Variants in FAT3 observed in about 807,000 individuals in gnomAD.
FAT3 encodes FAT atypical cadherin 3, also known as protocadherin Fat 3.
In FAT3, 95 loss-of-function variants were observed where a neutral mutation model predicts 310.2. That is an observed-to-expected ratio of 0.31 (90% confidence interval 0.26 to 0.36). The LOEUF (loss-of-function observed/expected upper bound fraction) is 0.36. Among genes scored for constraint, FAT3 ranks in the 10% least tolerant of loss-of-function variants. The probability of loss-of-function intolerance (pLI) is 1.00; values close to 1 mark genes in which losing one functional copy is unlikely to be tolerated. For synonymous variants in FAT3, 2,314 were observed against 2,192.9 expected (o/e 1.06, Z -1.54); for missense variants, 5,408 against 5,715.6 (o/e 0.95, Z 1.74).
At chr11:92,713,138 G>A (rs555508718) in intron 4 of FAT3, among the ~76,000 whole-genome samples, 6 of 152,296 alleles carry the variant, frequency 3.9e-5, no homozygotes, top group African/African-American at 1.4e-4. Context: ...ACCCAGAGAT[G>A]GACCCAGGGA....
intron 1 of FAT3, among the ~76,000 whole-genome samples, chr11:92,307,478 A>G (rs2134444828): frequency 6.6e-6 from 1 of 152,288 alleles, no homozygotes; most frequent in Admixed American, 6.5e-5. Context: ...CATCCACAAG[A>G]TCACTGTCCA....
intron 3 of FAT3, among the ~76,000 whole-genome samples, chr11:92,559,963 A>G (rs181422079): frequency 7.2e-5 from 11 of 152,348 alleles, no homozygotes; most frequent in African/African-American, 1.2e-4. Context: ...TTTTCTTACA[A>G]ATATATCAAG....
intron 3 of FAT3, among the ~76,000 whole-genome samples, chr11:92,607,403 T>G (rs1940352654): frequency 6.6e-6 from 1 of 152,080 alleles, no homozygotes; most frequent in Non-Finnish European, 1.5e-5. Flanking sequence ...ATGACAACAA[T>G]TACATTGATT....
intron 2 of FAT3, among the ~76,000 whole-genome samples, chr11:92,451,137 C>T (rs539088264): frequency 6.6e-6 from 1 of 152,094 alleles, no homozygotes; most frequent in Non-Finnish European, 1.5e-5. Context: ...TGACTGAAAG[C>T]TGTAGCCTTG....
chr11:92,759,750 G>A (rs967617683), intron 4 of FAT3, among the ~76,000 whole-genome samples: 1 of 152,110 alleles, frequency 6.6e-6, no homozygotes, highest in African/African-American at 2.4e-5. Context: ...ATCCAGGTCC[G>A]TTTCAAAGAA....
At chr11:92,409,180 A>G (rs1281431580) in intron 2 of FAT3, among the ~76,000 whole-genome samples, 3 of 152,154 alleles carry the variant, frequency 2.0e-5, no homozygotes, top group African/African-American at 7.2e-5. Context: ...ATTTTAGCAC[A>G]GATGTTAATA....
rs1237769778 is a variant in FAT3, at chr11:92,323,253, G to GTA, written c.-17-28833_-17-28832dup. Among the ~76,000 whole-genome samples, 78 of 151,694 alleles carry GTA rather than the reference G, an allele frequency of 5.1e-4. 1 individual carries two copies. The highest frequency in any genetic ancestry group is 6.0e-4 in the Non-Finnish European group (41 of 67,926). On this transcript the variant is annotated intron_variant, in intron 1 of 27. Coordinates refer to ENST00000525166, the MANE Select transcript of FAT3 (RefSeq NM_001367949.2). The stretch of plus-strand genomic sequence containing the variant: ...TATGTGTGTGTGTGTGTATGTGTGT[G>GTA]TATATATATATTTGAAACAGGGTCT...
chr11:92,769,588 G>C (rs1267923133), intron 6 of FAT3, among the ~76,000 whole-genome samples: 1 of 152,120 alleles, frequency 6.6e-6, no homozygotes, highest in Non-Finnish European at 1.5e-5. Flanking sequence ...ATGGATGGGG[G>C]GTGCTGTCAC....
intron 4 of FAT3, among the ~76,000 whole-genome samples, chr11:92,724,849 G>C (rs546064613): frequency 6.6e-6 from 1 of 152,324 alleles, no homozygotes; most frequent in African/African-American, 2.4e-5. Flanking sequence ...AGCCAGAGGA[G>C]CAGGAGACCA....
Position 92,831,838 on chromosome 11 carries a change from C to T in FAT3, c.9698C>T (p.Pro3233Leu). Residue 3233 changes from proline (P) to leucine (L), a missense_variant, in exon 14 of 28, where the codon CCC becomes CTC. Transcript: ENST00000525166. ...TITVLDINDN[P>L]PVFERRDYLV... is the part of the protein sequence containing the mutation. ...ACCGTTCTGGACATTAATGACAACCCCCCTGTGTTTGAGAGGAGGGACTAC... is the reference window on the plus strand; with the variant it reads ...ACCGTTCTGGACATTAATGACAACCTCCCTGTGTTTGAGAGGAGGGACTAC... The T allele has an allele frequency of 6.2e-7, 1 of 1,613,684 alleles. No homozygotes were observed. The highest frequency in any genetic ancestry group is 8.5e-7 in the Non-Finnish European group (1 of 1,179,788).
At chr11:92,372,754 G>A (rs1489144717) in intron 2 of FAT3, among the ~76,000 whole-genome samples, 2 of 151,920 alleles carry the variant, frequency 1.3e-5, no homozygotes, top group African/African-American at 4.8e-5. Context: ...TCTGCCTCCC[G>A]GGTTCATGCC....
chr11:92,403,403 A>T (rs1950067509), intron 2 of FAT3: 1 of 152,196 alleles, frequency 6.6e-6, no homozygotes, highest in Non-Finnish European at 1.5e-5. Context: ...CTAAAAAGGA[A>T]TGTTCTTTGT....
At chr11:92,829,260 C>A (rs1242362859) in intron 13 of FAT3, among the ~76,000 whole-genome samples, 1 of 152,170 alleles carries the variant, frequency 6.6e-6, no homozygotes, top group Non-Finnish European at 1.5e-5. Context: ...TTTGTAGTTC[C>A]CAGCACATGC....
chr11:92,882,477 A>C (rs896505627), intron 23 of FAT3, among the ~76,000 whole-genome samples: 8 of 151,188 alleles, frequency 5.3e-5, no homozygotes, highest in African/African-American at 1.9e-4. Flanking sequence ...CCCCCAACCC[A>C]GGTAGGAAAG....
intron 2 of FAT3, among the ~76,000 whole-genome samples, chr11:92,478,776 T>C (rs182854041): frequency 1.9e-4 from 29 of 151,794 alleles, no homozygotes; most frequent in Admixed American, 1.7e-3. Context: ...ACCACCACAC[T>C]TGGCTACTAA....
At chr11:92,886,328 GGTGT>G (rs143452563) in intron 24 of FAT3, among the ~76,000 whole-genome samples, 5 of 150,536 alleles carry the variant, frequency 3.3e-5, no homozygotes, top group Middle Eastern at 6.8e-3. Flanking sequence ...AAGTAGCCCT[GGTGT>G]GTGTGTGTGT....
intron 2 of FAT3, among the ~76,000 whole-genome samples, chr11:92,521,169 A>C (rs1591395820): frequency 6.6e-6 from 1 of 152,170 alleles, no homozygotes; most frequent in South Asian, 2.1e-4. Flanking sequence ...GCACACACAC[A>C]TACGTGGAAA....
intron 3 of FAT3, among the ~76,000 whole-genome samples, chr11:92,685,384 C>G (rs949376401): frequency 6.6e-6 from 1 of 151,880 alleles, no homozygotes; most frequent in East Asian, 1.9e-4. Context: ...TGTTAAAAAC[C>G]CATAGCAATA....
chr11:92,796,495 T>G (rs1167726122), intron 9 of FAT3, among the ~76,000 whole-genome samples: 1 of 152,180 alleles, frequency 6.6e-6, no homozygotes, highest in Non-Finnish European at 1.5e-5. Flanking sequence ...GGAAGAGGTA[T>G]GTAGACACAT....
Sources: gnomAD v4.1 joint callset for allele counts (sites outside exome capture counted in the v4.1 genomes callset) on GRCh38, gnomAD v4.1.1 for gene constraint, MANE v1.5 for transcripts, NCBI Gene and HGNC (gene_info 2026-07-23, HGNC 2026-07-21) for gene names.